The following CABYR variants were observed in gnomAD, a reference collection of about 807,000 sequenced individuals.
CABYR encodes calcium-binding tyrosine phosphorylation-regulated protein.
CABYR carries 31 observed loss-of-function variants against 36.1 expected under a neutral mutation model. The observed-to-expected ratio is 0.86, with a 90% CI of 0.64 to 1.16. CABYR has a LOEUF of 1.16. CABYR is among the 50% of genes most tolerant of loss of function. The pLI, the probability that CABYR is intolerant of heterozygous loss-of-function variation, is 0.00. For synonymous variants in CABYR, 146 were observed against 160.7 expected (o/e 0.91, Z 0.69); for missense variants, 429 against 455.8 (o/e 0.94, Z 0.53).
chr18:24,144,761 C>G (rs1331587741), intron 3 of CABYR, among the ~76,000 whole-genome samples: 1 of 152,172 alleles, frequency 6.6e-6, no homozygotes, highest in Non-Finnish European at 1.5e-5. Context: ...AATAAAGGAG[C>G]AATAGCCCAA....
intron 4 of CABYR, among the ~76,000 whole-genome samples, chr18:24,158,369 A>G (rs1332778135): frequency 1.4e-5 from 2 of 146,106 alleles, no homozygotes; most frequent in East Asian, 2.0e-4. Context: ...CCCAGGCTGG[A>G]GTGCAGTGGC....
At chr18:24,160,813 CAG>C (rs2085950289) in intron 5 of CABYR, 1 of 152,260 alleles carries the variant, frequency 6.6e-6, no homozygotes, top group African/African-American at 2.4e-5. Flanking sequence ...TGTTCAGGCT[CAG>C]ATGTAAACTG....
intron 3 of CABYR, among the ~76,000 whole-genome samples, chr18:24,145,357 C>CTAGA (rs2085433991): frequency 6.6e-6 from 1 of 152,170 alleles, no homozygotes; most frequent in Non-Finnish European, 1.5e-5. Flanking sequence ...AGTCCAGCAC[C>CTAGA]TAGATTCTTG....
At chr18:24,140,681 C>T (rs1336443612) in intron 1 of CABYR, among the ~76,000 whole-genome samples, 1 of 151,888 alleles carries the variant, frequency 6.6e-6, no homozygotes, top group Admixed American at 6.6e-5. Context: ...CCCACTTTCC[C>T]CCTCCCCCAC....
In CABYR at chr18:24,143,168, C is replaced by T. The variant is rs176090; in HGVS notation, c.54C>T (p.Leu18=). The change falls in exon 2 of 6, where the codon CTC becomes CTT. Residue 18 remains leucine, a synonymous_variant. Coordinates refer to ENST00000399496, the MANE Select transcript of CABYR (RefSeq NM_153769.3). The part of the protein sequence containing the change: ...LVVPYGLKTL[L]EGISRAVLKT... ...TACCCTATGGCCTCAAGACTCTGCT[C>T]GAGGGAATTAGCAGAGCTGTTCTCA... The T allele has an allele frequency of 4.1e-5, 66 of 1,613,524 alleles. No individual in the cohort carries two copies. Among genetic ancestry groups the T allele is most frequent in the Non-Finnish European group, 4.5e-5 (53 of 1,179,614 alleles).
rs997740124 is a variant in CABYR, at chr18:24,159,665, A to AACTT, written c.737_740dup (p.Val248LeufsTer57). 11 of 1,613,744 alleles carry AACTT rather than the reference A, an allele frequency of 6.8e-6. No homozygotes were observed. The African/African-American group carries it at 1.3e-4, about 20-fold the overall frequency. ...AGCATCCACCAAAAGTCACTTTTCC[A>AACTT]ACTTATGTGATGGGCGACACCAAGA... is the stretch of plus-strand genomic sequence containing the variant. On this transcript the variant is annotated frameshift_variant, in exon 5 of 6. Coordinates refer to ENST00000399496, the MANE Select transcript of CABYR (RefSeq NM_153769.3). LOFTEE classifies it high-confidence loss of function.
At chr18:24,145,823 T>C (rs1288203436) in intron 3 of CABYR, among the ~76,000 whole-genome samples, 1 of 152,200 alleles carries the variant, frequency 6.6e-6, no homozygotes, top group Non-Finnish European at 1.5e-5. Context: ...AAGTGTACTT[T>C]GAGGTATACG....
At chr18:24,160,801 G>A (rs1707358221) in intron 5 of CABYR, 1 of 152,356 alleles carries the variant, frequency 6.6e-6, no homozygotes, top group Non-Finnish European at 1.5e-5. Flanking sequence ...TATTAGGTAG[G>A]GTGTTCAGGC....
At chr18:24,150,118 G>C (rs2085581447) in intron 3 of CABYR, among the ~76,000 whole-genome samples, 1 of 152,270 alleles carries the variant, frequency 6.6e-6, no homozygotes, top group Non-Finnish European at 1.5e-5. Flanking sequence ...CTTCTCAATG[G>C]GGTGAGGGAG....
chr18:24,155,502 TGGGTAGAGATG>T (rs748698090), intron 3 of CABYR, among the ~76,000 whole-genome samples, 188 bp from the exon 4 acceptor site: 1 of 152,002 alleles, frequency 6.6e-6, no homozygotes, highest in African/African-American at 2.4e-5. Context: ...TTGGTGGTGG[TGGGTAGAGATG>T]GGGTCTCACT....
chr18:24,139,553 T>C (rs970301041), intron 1 of CABYR: 1 of 152,186 alleles, frequency 6.6e-6, no homozygotes, highest in Non-Finnish European at 1.5e-5. Context: ...GTTACCCTTG[T>C]GGTAGTGGGC....
Position 24,156,269 on chromosome 18 carries a change from A to G in CABYR, c.541+227A>G, listed in dbSNP as rs758268265. On this transcript the variant is annotated intron_variant, in intron 4 of 5. Coordinates refer to ENST00000399496, the MANE Select transcript of CABYR (RefSeq NM_153769.3). Reference sequence around the variant, plus strand: ...AACCTAAAGAAAATGAGGCTGAACCATCAACGGCTTCCTCAGTCCCCTTGC... The same window carrying G: ...AACCTAAAGAAAATGAGGCTGAACCGTCAACGGCTTCCTCAGTCCCCTTGC... 27 of 1,614,084 alleles carry G rather than the reference A, an allele frequency of 1.7e-5. No homozygotes were observed. The Middle Eastern group carries it at 4.9e-4, about 29-fold the overall frequency.
Position 24,155,926 on chromosome 18 carries a change from C to T in CABYR, c.425C>T (p.Ser142Phe). 2 of 1,614,178 alleles carry T rather than the reference C, an allele frequency of 1.2e-6. No individual in the cohort carries two copies. The highest frequency in any genetic ancestry group is 1.7e-6 in the Non-Finnish European group (2 of 1,180,026). The change falls in exon 4 of 6, where the codon TCC becomes TTC. Residue 142 changes from serine to phenylalanine, a missense_variant. Coordinates refer to ENST00000399496, the MANE Select transcript of CABYR (RefSeq NM_153769.3). The stretch of plus-strand genomic sequence containing the variant: ...ACGGAAGCAGTTGGTGGTCTTTCTT[C>T]CAAACCAGCCACCCCTAAGACTACT... ...EQTEAVGGLS[S>F]KPATPKTTTP...
At chr18:24,156,746 A>ATCTC in intron 4 of CABYR, 1 of 1,614,144 alleles carries the variant, frequency 6.2e-7, no homozygotes. Context: ...GCTCTGAAAA[A>ATCTC]TCTCTGCACC....
At position 24,151,687 on chromosome 18, in the gene CABYR, C is replaced by CTTTTTTTTT. The variant is rs35513415; in HGVS notation, c.200-4003_200-3995dup. 1.6e-5 allele frequency among the ~76,000 whole-genome samples: 2 copies of CTTTTTTTTT among 123,940 alleles called. 1 individual carries two copies. Among genetic ancestry groups the CTTTTTTTTT allele is most frequent in the Non-Finnish European group, 3.2e-5 (2 of 61,862 alleles). The allele number at this position is 123,940 out of a possible 152,430, so 81.3% of individuals were successfully genotyped here. On this transcript the variant is annotated intron_variant, in intron 3 of 5. Transcript: ENST00000399496. ...AGCCAAATGGTTGATCTAGTGTTGG[C>CTTTTTTTTT]TTTTTTTTTTTTTTTTTTTAAAGAC...
In CABYR at chr18:24,144,097, C is replaced by T. The variant is rs563912392; in HGVS notation, c.199+684C>T. ...ATGTTTAGTAGAGATGGGGTTTTGC[C>T]GTCTTGGCTAGGCTGGTCTCGAACT... On this transcript the variant is annotated intron_variant, in intron 3 of 5. Transcript: ENST00000399496. Among the ~76,000 whole-genome samples the T allele has an allele frequency of 8.5e-5, 13 of 152,142 alleles. No individual in the cohort carries two copies. The East Asian group carries it at 1.5e-3, about 18-fold the overall frequency.
At chr18:24,156,355 T>C (rs202139317) in intron 4 of CABYR, 25 of 1,614,098 alleles carry the variant, frequency 1.5e-5, no homozygotes, top group East Asian at 2.2e-5. Context: ...CAGGCTGATA[T>C]TGAGGTTATG....
At chr18:24,160,769 C>T (rs920663693) in intron 5 of CABYR, 1 of 152,354 alleles carries the variant, frequency 6.6e-6, no homozygotes, top group African/African-American at 2.4e-5. Flanking sequence ...GGTGCTGACA[C>T]AGGCCTACCT....
At chr18:24,147,693 TA>T (rs2085494713) in intron 3 of CABYR, among the ~76,000 whole-genome samples, 1 of 152,064 alleles carries the variant, frequency 6.6e-6, no homozygotes, top group African/African-American at 2.4e-5. Flanking sequence ...AATCTTAAGA[TA>T]ATGAATTCAA....
Sources: gnomAD v4.1 joint callset for allele counts (sites outside exome capture counted in the v4.1 genomes callset) on GRCh38, gnomAD v4.1.1 for gene constraint, MANE v1.5 for transcripts, NCBI Gene and HGNC (gene_info 2026-07-23, HGNC 2026-07-21) for gene names.